ARHGEF3: variants seen among roughly 807,000 people sequenced by gnomAD.
ARHGEF3 encodes Rho guanine nucleotide exchange factor 3, also known as 59.8 kDA protein.
In ARHGEF3, 28 loss-of-function variants were observed where a neutral mutation model predicts 63.2. The ratio of observed to expected loss-of-function variants is 0.44; its 90% CI spans 0.33 to 0.61. ARHGEF3 has a LOEUF of 0.61. Among genes scored for constraint, ARHGEF3 ranks in the 20% least tolerant of loss-of-function variants. The pLI, the probability that ARHGEF3 is intolerant of heterozygous loss-of-function variation, is 0.03. For missense variants in ARHGEF3, 533 were observed against 659.3 expected, an observed-to-expected ratio of 0.81 and a Z score of 2.10; for synonymous variants, 266 against 254.2, an observed-to-expected ratio of 1.05 and a Z score of -0.44.
chr3:56,780,749 C>T (rs568012749), intron 1 of ARHGEF3, among the ~76,000 whole-genome samples: 1 of 152,138 alleles, frequency 6.6e-6, no homozygotes, highest in African/African-American at 2.4e-5. Context: ...CGTTCTCTCA[C>T]GATTAAGTTC....
intron 9 of ARHGEF3, among the ~76,000 whole-genome samples, chr3:56,730,581 A>G (rs1360641444): frequency 6.6e-6 from 1 of 152,058 alleles, no homozygotes; most frequent in African/African-American, 2.4e-5. Flanking sequence ...GGGTTTTGCC[A>G]TGTTGGCTAG....
chr3:56,926,089 G>A lies in ARHGEF3; in HGVS notation c.129+32734C>T, dbSNP rs538546911. On this transcript the variant is annotated intron_variant, in intron 3 of 12. Coordinates refer to the ARHGEF3 transcript ENST00000338458. ...ACTGCTCAACCTGCTGGTTCCCACA[G>A]CCTCGAAGCACTAGGCTGCAGAGGA... Among the ~76,000 whole-genome samples the A allele has an allele frequency of 7.9e-5, 12 of 152,352 alleles. No homozygotes were observed. The East Asian group carries it at 1.3e-3, about 17-fold the overall frequency.
chr3:57,068,419 AAG>A (rs1705688541), intron 1 of ARHGEF3, among the ~76,000 whole-genome samples: 1 of 152,220 alleles, frequency 6.6e-6, no homozygotes, highest in Non-Finnish European at 1.5e-5. Flanking sequence ...AGTGCTGTTT[AAG>A]AGTCATTGCA....
At chr3:56,838,238 A>G (rs2039185378) in intron 4 of ARHGEF3, among the ~76,000 whole-genome samples, 1 of 152,170 alleles carries the variant, frequency 6.6e-6, no homozygotes. Flanking sequence ...GTGGGGGGGA[A>G]TAATTAAAAA....
At chr3:56,982,934 A>G (rs1398785501) in intron 2 of ARHGEF3, among the ~76,000 whole-genome samples, 1 of 152,134 alleles carries the variant, frequency 6.6e-6, no homozygotes, top group Non-Finnish European at 1.5e-5. Context: ...CAAAAATTAA[A>G]GGGTAGGGAG....
chr3:57,060,823 A>AACAC (rs140937310), intron 1 of ARHGEF3: 1 of 116,074 alleles, frequency 8.6e-6, no homozygotes, highest in South Asian at 3.2e-4. Context: ...CCCACCCCGA[A>AACAC]ACACACACAC....
At chr3:56,803,973 C>T (rs1024897439), upstream of ARHGEF3, among the ~76,000 whole-genome samples, 1 of 151,504 alleles carries the variant, frequency 6.6e-6, no homozygotes, top group African/African-American at 2.4e-5. Flanking sequence ...CAACCTTCTC[C>T]TCCTGGGCTC....
chr3:56,842,334 A>G (rs2039339811), intron 4 of ARHGEF3, among the ~76,000 whole-genome samples: 2 of 152,188 alleles, frequency 1.3e-5, no homozygotes, highest in Admixed American at 6.5e-5. Context: ...CTTGGATCTT[A>G]TTGCTTGGGA....
intron 4 of ARHGEF3, among the ~76,000 whole-genome samples, chr3:56,850,054 C>T (rs1406452204): frequency 6.6e-6 from 1 of 152,136 alleles, no homozygotes; most frequent in African/African-American, 2.4e-5. Context: ...CACCCCCTCA[C>T]CAGTAACACA....
chr3:56,872,300 G>A (rs2040454831), intron 4 of ARHGEF3, among the ~76,000 whole-genome samples: 1 of 152,082 alleles, frequency 6.6e-6, no homozygotes, highest in Non-Finnish European at 1.5e-5. Context: ...ACAATACAGT[G>A]TATGCTCTTC....
intron 2 of ARHGEF3, among the ~76,000 whole-genome samples, chr3:56,978,638 C>T (rs1257694866): frequency 6.6e-6 from 1 of 152,172 alleles, no homozygotes; most frequent in Non-Finnish European, 1.5e-5. Context: ...AGGCACTGTG[C>T]TTCACAACTA....
intron 1 of ARHGEF3, among the ~76,000 whole-genome samples, chr3:57,058,928 T>C (rs534750452): frequency 1.8e-4 from 25 of 135,582 alleles, no homozygotes; most frequent in African/African-American, 5.9e-4. Flanking sequence ...CACTCATAGG[T>C]GGGAATTGAA....
intron 1 of ARHGEF3, among the ~76,000 whole-genome samples, chr3:57,042,585 C>G (rs528969985): frequency 6.8e-6 from 1 of 146,910 alleles, no homozygotes; most frequent in Non-Finnish European, 1.5e-5. Context: ...CATGGCTCCC[C>G]GCTCTCCAAC....
intron 8 of ARHGEF3, among the ~76,000 whole-genome samples, chr3:56,735,820 C>T (rs74936823): frequency 0.019 from 2,925 of 152,324 alleles, 53 homozygotes; most frequent in Non-Finnish European, 0.029. Flanking sequence ...CTGGATGGAT[C>T]CACAGCATCC....
intron 4 of ARHGEF3, among the ~76,000 whole-genome samples, chr3:56,868,900 GT>G (rs2040344115): frequency 6.6e-6 from 1 of 152,176 alleles, no homozygotes. Context: ...AGTGGCCCGT[GT>G]ATGATGTATG....
intron 2 of ARHGEF3, among the ~76,000 whole-genome samples, chr3:57,014,448 A>C (rs11707403): frequency 0.24 from 37,175 of 152,050 alleles, 5,079 homozygotes; most frequent in Middle Eastern, 0.31. Context: ...GAAAGCAGGA[A>C]ATCGAGCCAA....
chr3:56,918,972 T>C (rs1290423900), intron 3 of ARHGEF3, among the ~76,000 whole-genome samples: 1 of 152,136 alleles, frequency 6.6e-6, no homozygotes, highest in East Asian at 1.9e-4. Flanking sequence ...CCGATCCCAT[T>C]TGCTGGATGC....
chr3:56,917,968 G>A (rs1287155116), intron 3 of ARHGEF3, among the ~76,000 whole-genome samples: 1 of 152,208 alleles, frequency 6.6e-6, no homozygotes, highest in Admixed American at 6.5e-5. Context: ...TCAAATGACA[G>A]TGTCCACTGA....
chr3:56,872,195 T>C (rs1481442097), intron 4 of ARHGEF3, among the ~76,000 whole-genome samples: 1 of 152,126 alleles, frequency 6.6e-6, no homozygotes, highest in Non-Finnish European at 1.5e-5. Flanking sequence ...GGGAAAGGGG[T>C]GTTCATAGGT....
Sources: allele counts gnomAD v4.1 joint callset (sites outside exome capture counted in the v4.1 genomes callset), GRCh38; gene constraint gnomAD v4.1.1; transcripts MANE v1.5; gene names NCBI Gene and HGNC (gene_info 2026-07-23, HGNC 2026-07-21).